Variants in VPS8 observed in about 807,000 individuals in gnomAD.
The protein encoded by VPS8 is vacuolar protein sorting-associated protein 8 homolog.
Under a neutral mutation model 216.4 loss-of-function variants are expected in VPS8, and 129 were observed. That is an observed-to-expected ratio of 0.60 (90% CI 0.52 to 0.69). VPS8 has a LOEUF of 0.69. Among genes scored for constraint, VPS8 ranks in the 30% least tolerant of loss-of-function variants. The pLI is 0.00. For synonymous variants in VPS8, 571 were observed against 565.4 expected (o/e 1.01, Z -0.14); for missense variants, 1,531 against 1,683.5 (o/e 0.91, Z 1.59).
rs73885613 is a variant in VPS8, at chr3:184,901,217, G to A, written c.2146+245G>A. 1,357 of 428,702 alleles carry A rather than the reference G, an allele frequency of 3.2e-3. 9 individuals carry two copies. Among genetic ancestry groups the A allele is most frequent in the African/African-American group, 0.025 (1,208 of 48,524 alleles). The allele number at this position is 428,702 out of a possible 1,614,324, so 26.6% of individuals were successfully genotyped here. A position where few individuals can be genotyped will look rare whatever the true frequency, so the allele number is the denominator to read the frequency against. ...CTGGGCAGTCACTGATCTACTTTCT[G>A]TCACTATACTTCATGTAAATGGAAT... On this transcript the variant is annotated intron_variant, in intron 25 of 47. Transcript: ENST00000625842.
intron 42 of VPS8, among the ~76,000 whole-genome samples, chr3:184,989,175 T>C (rs1283003003): frequency 6.6e-6 from 1 of 152,196 alleles, no homozygotes; most frequent in Non-Finnish European, 1.5e-5. Flanking sequence ...AGAGGGGTTA[T>C]CTTTGCCTTA....
chr3:184,999,368 C>T (rs1461367091), intron 44 of VPS8, among the ~76,000 whole-genome samples: 5 of 152,120 alleles, frequency 3.3e-5, no homozygotes, highest in Non-Finnish European at 7.3e-5. Context: ...CCCCAGTTGC[C>T]TTTTTTTCAG....
At chr3:184,979,651 G>A (rs562890471) in intron 40 of VPS8, among the ~76,000 whole-genome samples, 44 of 152,074 alleles carry the variant, frequency 2.9e-4, no homozygotes, top group African/African-American at 1.0e-3. Context: ...TGTTTGCTTG[G>A]TAGATTTTTC....
chr3:184,818,408 A>G (rs1264748901), intron 1 of VPS8, among the ~76,000 whole-genome samples: 1 of 151,768 alleles, frequency 6.6e-6, no homozygotes, highest in Admixed American at 6.6e-5. Context: ...CTGTAGACCC[A>G]GCTACTTGGG....
At chr3:185,032,508 G>A (rs954207332) in intron 46 of VPS8, among the ~76,000 whole-genome samples, 8 of 152,268 alleles carry the variant, frequency 5.3e-5, no homozygotes, top group African/African-American at 7.2e-5. Flanking sequence ...GTGGTCAGCC[G>A]ATTCTCAGAA....
At chr3:185,017,290 G>A (rs1273241089) in intron 45 of VPS8, among the ~76,000 whole-genome samples, 1 of 152,134 alleles carries the variant, frequency 6.6e-6, no homozygotes, top group Non-Finnish European at 1.5e-5. Flanking sequence ...GACGGCCAGT[G>A]CTATAGAGAA....
chr3:184,887,490 T>G (rs751137185), intron 22 of VPS8, among the ~76,000 whole-genome samples: 1 of 152,188 alleles, frequency 6.6e-6, no homozygotes, highest in Non-Finnish European at 1.5e-5. Context: ...TTGTAGCAAT[T>G]TATTTTTATA....
intron 46 of VPS8, among the ~76,000 whole-genome samples, chr3:185,047,865 A>G (rs1043248698): frequency 2.0e-5 from 3 of 152,000 alleles, no homozygotes; most frequent in African/African-American, 7.3e-5. Flanking sequence ...CCAGGATCCC[A>G]TTTCTTCTCT....
chr3:185,037,736 C>T (rs1382034243), intron 46 of VPS8, among the ~76,000 whole-genome samples: 1 of 152,110 alleles, frequency 6.6e-6, no homozygotes, highest in African/African-American at 2.4e-5. Flanking sequence ...GCTCAAATCT[C>T]CTGTTAAGCC....
At chr3:184,856,406 C>T (rs922102873) in intron 14 of VPS8, among the ~76,000 whole-genome samples, 1 of 152,146 alleles carries the variant, frequency 6.6e-6, no homozygotes, top group Non-Finnish European at 1.5e-5. Flanking sequence ...GCAACTACTG[C>T]AGGAAGGGTA....
intron 45 of VPS8, among the ~76,000 whole-genome samples, chr3:185,006,913 C>T (rs1460262710): frequency 2.6e-5 from 4 of 152,194 alleles, no homozygotes; most frequent in African/African-American, 9.6e-5. Flanking sequence ...GTTTCTGGCT[C>T]CAACTCTACA....
At chr3:184,925,167 A>T (rs1739360286) in intron 30 of VPS8, among the ~76,000 whole-genome samples, 186 bp downstream of exon 30, 1 of 151,980 alleles carries the variant, frequency 6.6e-6, no homozygotes, top group South Asian at 2.1e-4. Context: ...TTTTGTGGAG[A>T]TTGGTTTACA....
At chr3:184,921,351 A>G (rs956584328) in intron 29 of VPS8, among the ~76,000 whole-genome samples, 1 of 152,146 alleles carries the variant, frequency 6.6e-6, no homozygotes, top group African/African-American at 2.4e-5. Flanking sequence ...TCCATCCAAA[A>G]TGGCTGCTCC....
At chr3:185,049,953 C>T (rs1022729940) in intron 47 of VPS8, among the ~76,000 whole-genome samples, 4 of 152,000 alleles carry the variant, frequency 2.6e-5, no homozygotes, top group Admixed American at 2.6e-4. Context: ...CTGGCCTCAC[C>T]CCCATCCCTT....
At chr3:185,034,600 G>A (rs186977509) in intron 46 of VPS8, among the ~76,000 whole-genome samples, 3 of 142,056 alleles carry the variant, frequency 2.1e-5, no homozygotes, top group East Asian at 2.1e-4. Flanking sequence ...TGTTTGCTTC[G>A]TTGATAGTTT....
At chr3:184,964,338 A>G in intron 37 of VPS8, 130 bp from the exon 38 acceptor site, 2 of 460,788 alleles carry the variant, frequency 4.3e-6, no homozygotes, top group East Asian at 3.7e-5. Flanking sequence ...TGCATATTGT[A>G]CTGTAAAATA....
intron 35 of VPS8, among the ~76,000 whole-genome samples, chr3:184,938,047 G>A (rs1026063600): frequency 1.3e-5 from 2 of 152,180 alleles, no homozygotes; most frequent in Non-Finnish European, 2.9e-5. Context: ...AGAATGGACT[G>A]GAAAGGAGAG....
At chr3:184,985,954 C>T (rs990258912) in intron 42 of VPS8, among the ~76,000 whole-genome samples, 5 of 152,150 alleles carry the variant, frequency 3.3e-5, no homozygotes, top group African/African-American at 1.2e-4. Flanking sequence ...GGAGAAAAAG[C>T]TGATGCACAT....
At chr3:185,050,850 A>G (rs13081965) in intron 47 of VPS8, among the ~76,000 whole-genome samples, 72,886 of 151,886 alleles carry the variant, frequency 0.48, 17,793 homozygotes, top group East Asian at 0.67. Flanking sequence ...GTGAGCCTAC[A>G]CAGGGTCCCT....
Sources: gnomAD v4.1 joint callset for allele counts (sites outside exome capture counted in the v4.1 genomes callset) on GRCh38, gnomAD v4.1.1 for gene constraint, MANE v1.5 for transcripts, NCBI Gene and HGNC (gene_info 2026-07-23, HGNC 2026-07-21) for gene names.